TSNARE1: variants seen among roughly 807,000 people sequenced by gnomAD.
The protein encoded by TSNARE1 is t-SNARE domain-containing protein 1.
TSNARE1 carries 49 observed loss-of-function variants against 62.0 expected under a neutral mutation model. The ratio of observed to expected loss-of-function variants is 0.79; its 90% CI spans 0.63 to 1.00. The LOEUF (loss-of-function observed/expected upper bound fraction) is 1.00, where lower values mean the gene tolerates loss of function less well. Among genes scored for constraint, TSNARE1 ranks in the 50% least tolerant of loss-of-function variants. TSNARE1 has a pLI of 0.00. For synonymous variants in TSNARE1, 328 were observed against 294.4 expected, an observed-to-expected ratio of 1.11 and a Z score of -1.17; for missense variants, 755 against 700.1, an observed-to-expected ratio of 1.08 and a Z score of -0.88.
In TSNARE1 at chr8:142,284,502, G is replaced by T. The variant is rs181203426; in HGVS notation, c.1291-17C>A. 160 of 1,610,652 alleles carry T rather than the reference G, an allele frequency of 9.9e-5. No individual in the cohort carries two copies. In the African/African-American group the frequency reaches 1.7e-3, roughly 17 times the overall value. ...CAAGTTGCTCTGTGGAAACAACATA[G>T]AACCACATCAGGAGCAGGGCTGTGG... On this transcript the variant is annotated splice_polypyrimidine_tract_variant and intron_variant, in intron 10 of 13. Transcript: ENST00000524325.
At chr8:142,222,716 C>CATCCACT (rs1816431348) in intron 13 of TSNARE1, among the ~76,000 whole-genome samples, 4 of 11,922 alleles carry the variant, frequency 3.4e-4, no homozygotes, top group Non-Finnish European at 6.7e-4. Flanking sequence ...ACTCACTCAT[C>CATCCACT]CACTCACTCA....
intron 13 of TSNARE1, among the ~76,000 whole-genome samples, chr8:142,228,002 C>T (rs980847587): frequency 1.3e-5 from 2 of 152,206 alleles, no homozygotes; most frequent in Admixed American, 6.5e-5. Flanking sequence ...GTTCCCTTGC[C>T]AGCCTTCCCG....
intron 9 of TSNARE1, among the ~76,000 whole-genome samples, chr8:142,305,392 A>G (rs959868303): frequency 2.0e-5 from 3 of 152,150 alleles, no homozygotes; most frequent in African/African-American, 7.2e-5. Flanking sequence ...GACGCCCAGG[A>G]AAGCGGCCAG....
intron 11 of TSNARE1, among the ~76,000 whole-genome samples, chr8:142,279,573 C>A (rs1821067848): frequency 6.6e-6 from 1 of 152,190 alleles, no homozygotes; most frequent in Non-Finnish European, 1.5e-5. Context: ...ATGGTCGAGC[C>A]CCTTGATGGC....
intron 6 of TSNARE1, among the ~76,000 whole-genome samples, chr8:142,324,811 C>T (rs996515631): frequency 6.6e-6 from 1 of 152,240 alleles, no homozygotes; most frequent in African/African-American, 2.4e-5. Context: ...TGGAAGGCAC[C>T]CTGCTGCCCA....
rs1346380449 is a variant in TSNARE1, at chr8:142,393,844, C to T, written c.-40+9260G>A. Among the ~76,000 whole-genome samples the T allele has an allele frequency of 2.0e-5, 3 of 152,244 alleles. No individual in the cohort carries two copies. The East Asian group carries it at 5.8e-4, about 29-fold the overall frequency. On this transcript the variant is annotated intron_variant, in intron 1 of 13. Transcript: ENST00000524325. The stretch of plus-strand genomic sequence containing the variant: ...TGCTGGTGTGGCATCCCTCGTGCTG[C>T]TCAACCGAGACTTCCAGTTCTCCTC...
At chr8:142,221,376 C>T (rs6583606) in intron 13 of TSNARE1, among the ~76,000 whole-genome samples, 88,024 of 152,166 alleles carry the variant, frequency 0.58, 25,951 homozygotes, top group African/African-American at 0.69. Context: ...GCAAAGGTCC[C>T]GCCACACACT....
At chr8:142,324,041 C>T (rs543032386) in intron 6 of TSNARE1, among the ~76,000 whole-genome samples, 3 of 152,350 alleles carry the variant, frequency 2.0e-5, no homozygotes, top group African/African-American at 7.2e-5. Context: ...AGGCTGGAAA[C>T]GCTAGCTGTA....
intron 1 of TSNARE1, among the ~76,000 whole-genome samples, chr8:142,357,748 T>G (rs1834856933): frequency 6.6e-6 from 1 of 152,166 alleles, no homozygotes; most frequent in Admixed American, 6.5e-5. Flanking sequence ...TGGGGCTACA[T>G]GCAGAACGCG....
chr8:142,271,730 C>T, intron 12 of TSNARE1: 1 of 1,319,238 alleles, frequency 7.6e-7, no homozygotes, highest in Non-Finnish European at 9.7e-7. Context: ...CCTGCACACC[C>T]AAAACCCAGT....
chr8:142,361,868 C>T (rs1355181456), intron 1 of TSNARE1, among the ~76,000 whole-genome samples: 1 of 152,214 alleles, frequency 6.6e-6, no homozygotes, highest in African/African-American at 2.4e-5. Flanking sequence ...CGCTGCAGAC[C>T]GCCGGGAGCC....
At chr8:142,262,636 A>T (rs1017482740) in intron 12 of TSNARE1, among the ~76,000 whole-genome samples, 2 of 152,054 alleles carry the variant, frequency 1.3e-5, no homozygotes, top group Admixed American at 1.3e-4. Flanking sequence ...GGCGATAGTG[A>T]GTTCTCACAA....
chr8:142,218,106 T>G lies in TSNARE1; in HGVS notation c.*12-5793A>C, dbSNP rs113740631. On this transcript the variant is annotated intron_variant, in intron 13 of 13. Transcript: ENST00000524325. ...AGAGAGTGGCCAGGTCAGGGCTCAG[T>G]GTGTGACCAGGATCAGGGCTCCGTG... Among the ~76,000 whole-genome samples the G allele has an allele frequency of 4.0e-4, 22 of 55,250 alleles. 5 individuals are homozygous for G. The highest frequency in any genetic ancestry group is 6.0e-4 in the Admixed American group (4 of 6,660). The allele number at this position is 55,250 out of a possible 152,430, so 36.2% of individuals were successfully genotyped here.
chr8:142,250,469 C>G (rs2130275217), intron 12 of TSNARE1, among the ~76,000 whole-genome samples: 1 of 152,288 alleles, frequency 6.6e-6, no homozygotes, highest in South Asian at 2.1e-4. Context: ...GGGAAAACAG[C>G]CATCAGCGTC....
At chr8:142,327,017 G>A (rs544338277) in intron 6 of TSNARE1, among the ~76,000 whole-genome samples, 24 of 152,280 alleles carry the variant, frequency 1.6e-4, no homozygotes, top group Middle Eastern at 3.4e-3. Flanking sequence ...CACTGCTGGC[G>A]GGGGTGTAAA....
chr8:142,279,986 G>A lies in TSNARE1; in HGVS notation c.1363+4427C>T, dbSNP rs929464752. 12 of 1,155,682 alleles carry A rather than the reference G, an allele frequency of 1.0e-5. No individual in the cohort carries two copies. The Admixed American group carries it at 1.8e-4, about 17-fold the overall frequency. The allele number at this position is 1,155,682 out of a possible 1,614,324, so 71.6% of individuals were successfully genotyped here. Reference sequence around the variant, plus strand: ...GGGCCGCCCTCCGCCAGCTTCTTGCGCACAGCACCTCGCAGGTCCCGCCAC... The same window carrying A: ...GGGCCGCCCTCCGCCAGCTTCTTGCACACAGCACCTCGCAGGTCCCGCCAC... On this transcript the variant is annotated intron_variant, in intron 11 of 13. Coordinates refer to ENST00000524325, the MANE Select transcript of TSNARE1 (RefSeq NM_145003.5).
At chr8:142,314,583 G>A (rs184054796) in intron 8 of TSNARE1, 143 bp from the exon 9 acceptor site, 69 of 709,622 alleles carry the variant, frequency 9.7e-5, no homozygotes, top group Middle Eastern at 7.1e-4. Flanking sequence ...TGCCGGGGCC[G>A]GGGCTGAGCT....
chr8:142,380,307 C>T (rs553461845), intron 1 of TSNARE1, among the ~76,000 whole-genome samples: 4 of 152,320 alleles, frequency 2.6e-5, no homozygotes, highest in Non-Finnish European at 4.4e-5. Context: ...CCATGGCCAA[C>T]GGCCCCTTCC....
At chr8:142,403,434 G>A (rs1838459551), upstream of TSNARE1, among the ~76,000 whole-genome samples, 9 of 152,002 alleles carry the variant, frequency 5.9e-5, no homozygotes, top group Admixed American at 5.9e-4. Flanking sequence ...GAAGGTGGAG[G>A]TCACGTGGAG....
Sources: gnomAD v4.1 joint callset for allele counts (sites outside exome capture counted in the v4.1 genomes callset) on GRCh38, gnomAD v4.1.1 for gene constraint, MANE v1.5 for transcripts, NCBI Gene and HGNC (gene_info 2026-07-23, HGNC 2026-07-21) for gene names.